UPRT: variants seen among roughly 807,000 people sequenced by gnomAD.
UPRT encodes uracil phosphoribosyltransferase homolog, also known as RP11-311P8.3.
UPRT carries 5 observed loss-of-function variants against 22.6 expected under a neutral mutation model. The ratio of observed to expected loss-of-function variants is 0.22; its 90% CI spans 0.12 to 0.47. UPRT has a LOEUF of 0.47. Among genes scored for constraint, UPRT ranks in the 20% least tolerant of loss-of-function variants. UPRT has a pLI of 0.99. For missense variants in UPRT, 181 were observed against 239.9 expected (o/e 0.75, Z 1.62); for synonymous variants, 77 against 87.7 (o/e 0.88, Z 0.68).
At chrX:75,218,903 G>A (rs1381509866) in intron 4 of UPRT, among the ~76,000 whole-genome samples, 1 of 110,640 alleles carries the variant, frequency 9.0e-6, no homozygotes, top group Non-Finnish European at 1.9e-5. Flanking sequence ...TGGGGGAACG[G>A]GGGAGGGATA....
chrX:75,281,343 G>C (rs1018281903), intron 1 of UPRT, among the ~76,000 whole-genome samples: 2 of 111,507 alleles, frequency 1.8e-5, no homozygotes, highest in Non-Finnish European at 3.8e-5. Context: ...TCTTGTTCCA[G>C]TTCTTAGAGT....
intron 4 of UPRT, among the ~76,000 whole-genome samples, chrX:75,183,177 C>T (rs909149233): frequency 3.6e-5 from 4 of 110,084 alleles, no homozygotes; most frequent in Non-Finnish European, 5.7e-5. Flanking sequence ...CCCCCCTCCC[C>T]GCACCCCACG....
chrX:75,230,333 G>T (rs1340150954), intron 4 of UPRT, among the ~76,000 whole-genome samples: 1 of 111,091 alleles, frequency 9.0e-6, no homozygotes, highest in Non-Finnish European at 1.9e-5. Flanking sequence ...TACCTGCCCT[G>T]GTAGCCTAAG....
rs2082622794 is a variant in UPRT at position 75,274,500 on chromosome X, T to C, written c.246T>C (p.Ser82=). 6 of 1,209,671 alleles carry C rather than the reference T, an allele frequency of 5.0e-6. No homozygotes were observed. The highest frequency in any genetic ancestry group is 2.2e-5 in the Admixed American group (1 of 45,740). The part of the protein sequence containing the change: ...SSLNSEGNSG[S]GDSSSYDAPA... Reference sequence around the variant, plus strand: ...TCAACTCAGAGGGCAACAGTGGTAGTGGTGACAGTAGCAGCTATGACGCAC... The same window carrying C: ...TCAACTCAGAGGGCAACAGTGGTAGCGGTGACAGTAGCAGCTATGACGCAC... The change falls in exon 1 of 7, where the codon AGT becomes AGC. Residue 82 remains serine (S), a synonymous_variant. Transcript: ENST00000373383.
chrX:75,274,673 G>A (rs1318481554), intron 1 of UPRT, 33 bp downstream of exon 1: 5 of 1,163,894 alleles, frequency 4.3e-6, no homozygotes, highest in Non-Finnish European at 5.8e-6. Context: ...AAGGGAAGTG[G>A]AGGGTCTTGC....
intron 5 of UPRT, 53 bp from the exon 6 acceptor site, chrX:75,300,813 AT>A (rs2082741591): frequency 4.9e-6 from 5 of 1,014,009 alleles, no homozygotes; most frequent in Non-Finnish European, 4.1e-6. Context: ...GAAAAAAGAC[AT>A]TTAAAAATGA....
At chrX:75,181,062 C>G (rs1205146487) in intron 4 of UPRT, among the ~76,000 whole-genome samples, 2 of 110,768 alleles carry the variant, frequency 1.8e-5, no homozygotes, top group African/African-American at 6.6e-5. Flanking sequence ...CAGTTTCAGT[C>G]TTCTGCGTAT....
At chrX:75,243,767 C>T (rs1019820219) in intron 4 of UPRT, among the ~76,000 whole-genome samples, 1 of 111,777 alleles carries the variant, frequency 8.9e-6, no homozygotes, top group Non-Finnish European at 1.9e-5. Flanking sequence ...TAATGAGACA[C>T]TGAACAAAAC....
intron 1 of UPRT, among the ~76,000 whole-genome samples, chrX:75,282,273 G>A (rs2082661188): frequency 9.2e-6 from 1 of 108,894 alleles, no homozygotes; most frequent in African/African-American, 3.4e-5. Flanking sequence ...GTTCTGCTCT[G>A]ATCTTGGTTA....
intron 4 of UPRT, among the ~76,000 whole-genome samples, chrX:75,185,440 T>C: frequency 8.9e-6 from 1 of 112,081 alleles, no homozygotes; most frequent in African/African-American, 3.2e-5. Flanking sequence ...TTATTGAGGA[T>C]TTTTGCATCT....
intron 4 of UPRT, among the ~76,000 whole-genome samples, chrX:75,204,023 G>A (rs764259579): frequency 3.6e-5 from 4 of 110,291 alleles, no homozygotes; most frequent in Non-Finnish European, 7.6e-5. Context: ...CGACTTCAGA[G>A]TTGTTTTCCT....
intron 1 of UPRT, among the ~76,000 whole-genome samples, chrX:75,284,440 G>A (rs2082671399): frequency 1.8e-5 from 2 of 111,821 alleles, no homozygotes; most frequent in South Asian, 7.6e-4. Context: ...TCAGAGGGAA[G>A]ATCTAGGGCC....
chrX:75,228,405 T>G (rs940667689), intron 4 of UPRT, among the ~76,000 whole-genome samples: 1 of 111,647 alleles, frequency 9.0e-6, no homozygotes, highest in Non-Finnish European at 1.9e-5. Context: ...CCTGAGTTCT[T>G]CATGGAGGAT....
At chrX:75,250,830 A>G (rs1279623986) in intron 4 of UPRT, among the ~76,000 whole-genome samples, 4 of 111,955 alleles carry the variant, frequency 3.6e-5, no homozygotes, top group Non-Finnish European at 5.6e-5. Context: ...CTGGAAAACC[A>G]AATCCAGCAG....
Position 75,235,838 on chromosome X carries a change from A to G in UPRT, c.-446-55186A>G, listed in dbSNP as rs190102428. Among the ~76,000 whole-genome samples the G allele has an allele frequency of 6.7e-4, 75 of 111,968 alleles. No individual in the cohort carries two copies. The East Asian group carries it at 0.013, about 19-fold the overall frequency. ...TATCTATGACAAACTCACAGCCAAT[A>G]TCATACTGAATGGGCAAAAACTGGA... On this transcript the variant is annotated intron_variant, in intron 4 of 13. Transcript: ENST00000652605.
At chrX:75,169,566 A>G (rs188879076) in intron 4 of UPRT, among the ~76,000 whole-genome samples, 7 of 112,030 alleles carry the variant, frequency 6.2e-5, no homozygotes, top group African/African-American at 2.3e-4. Flanking sequence ...TTTAATTTCC[A>G]TATATTGGCA....
intron 4 of UPRT, among the ~76,000 whole-genome samples, chrX:75,231,361 A>G (rs1177956313): frequency 3.6e-5 from 4 of 112,202 alleles, no homozygotes; most frequent in African/African-American, 1.3e-4. Context: ...TTCCACACTC[A>G]AAGAAAAGGC....
At chrX:75,267,141 A>G (rs1018342361) in intron 4 of UPRT, among the ~76,000 whole-genome samples, 1 of 111,990 alleles carries the variant, frequency 8.9e-6, no homozygotes, top group Non-Finnish European at 1.9e-5. Flanking sequence ...ATGCGCATGT[A>G]TGTTTATTGA....
intron 4 of UPRT, among the ~76,000 whole-genome samples, chrX:75,169,816 A>G (rs1364433587): frequency 1.8e-5 from 2 of 111,332 alleles, no homozygotes; most frequent in African/African-American, 6.5e-5. Context: ...GTTTAAGTCC[A>G]TTGTTTCTTT....
Sources: gnomAD v4.1 joint callset for allele counts (sites outside exome capture counted in the v4.1 genomes callset) on GRCh38, gnomAD v4.1.1 for gene constraint, MANE v1.5 for transcripts, NCBI Gene and HGNC (gene_info 2026-07-23, HGNC 2026-07-21) for gene names.